UBASH3A: variants seen among roughly 807,000 people sequenced by gnomAD.
UBASH3A encodes ubiquitin-associated and SH3 domain-containing protein A.
Under a neutral mutation model 73.5 loss-of-function variants are expected in UBASH3A, and 63 were observed. That is an observed-to-expected ratio of 0.86 (90% CI 0.70 to 1.06). The LOEUF is 1.06. Ranked by LOEUF, UBASH3A falls within the 50% of genes least tolerant of loss-of-function variation. The pLI, the probability that UBASH3A is intolerant of heterozygous loss-of-function variation, is 0.00. For synonymous variants in UBASH3A, 363 were observed against 351.1 expected (o/e 1.03, Z -0.38); for missense variants, 860 against 859.0 (o/e 1.00, Z -0.02).
At chr21:42,446,865 C>T (rs1255681886) in intron 14 of UBASH3A, among the ~76,000 whole-genome samples, 192 bp from the exon 15 acceptor site, 1 of 152,162 alleles carries the variant, frequency 6.6e-6, no homozygotes, top group Non-Finnish European at 1.5e-5. Flanking sequence ...ACCCAGTGTC[C>T]CCTGGCTAGG....
In UBASH3A at chr21:42,413,658, A is replaced by C; in HGVS notation, c.667+135A>C. The C allele has an allele frequency of 1.5e-6, 1 of 684,264 alleles. No homozygotes were observed. Among genetic ancestry groups the C allele is most frequent in the Non-Finnish European group, 2.4e-6 (1 of 412,000 alleles). The allele number at this position is 684,264 out of a possible 1,614,324, so 42.4% of individuals were successfully genotyped here. Reference sequence around the variant, plus strand: ...GGAAAGTGCCCCAGAAGGGTGTGCCAAGCATCAAGCCTGAGTGGGTGACTG... The same window carrying C: ...GGAAAGTGCCCCAGAAGGGTGTGCCCAGCATCAAGCCTGAGTGGGTGACTG... On this transcript the variant is annotated intron_variant, in intron 5 of 14. Transcript: ENST00000319294. The surrounding 1 kb of genome is among the most constrained non-coding windows in gnomAD (Gnocchi z 4.5).
intron 7 of UBASH3A, among the ~76,000 whole-genome samples, chr21:42,425,006 A>G (rs1043209016): frequency 3.9e-5 from 6 of 152,192 alleles, no homozygotes; most frequent in African/African-American, 1.4e-4. Flanking sequence ...TCAGACTCGC[A>G]GCCTCCAGGA....
chr21:42,415,838 T>G (rs1264934053), intron 5 of UBASH3A, among the ~76,000 whole-genome samples: 1 of 152,194 alleles, frequency 6.6e-6, no homozygotes, highest in Non-Finnish European at 1.5e-5. Context: ...AAATACTTTG[T>G]GGCTCAACTG....
intron 12 of UBASH3A, 114 bp from the exon 13 acceptor site, chr21:42,443,198 C>G: frequency 7.0e-7 from 1 of 1,428,246 alleles, no homozygotes; most frequent in South Asian, 1.5e-5. Context: ...ATGAGCCTGC[C>G]TTGAGGCAGA....
At chr21:42,406,405 A>G in intron 2 of UBASH3A, 44 bp downstream of exon 2, 1 of 1,549,184 alleles carries the variant, frequency 6.5e-7, no homozygotes, top group Non-Finnish European at 8.9e-7. Flanking sequence ...TTTGGGCTGA[A>G]TTCCCTGTGC....
At chr21:42,444,725 G>T in intron 14 of UBASH3A, 82 bp downstream of exon 14, 3 of 1,170,714 alleles carry the variant, frequency 2.6e-6, no homozygotes, top group Non-Finnish European at 3.8e-6. Context: ...TTCTCGGAAT[G>T]AAAACAAGTG....
chr21:42,447,369 C>T lies in UBASH3A; in HGVS notation c.*175C>T, dbSNP rs1357148564. ...CCCTCCGGCTTTCGCCTTTGTAACT[C>T]CCATCTGTGGACCCATCGTCCACCA... is the stretch of plus-strand genomic sequence containing the variant. On this transcript the variant is annotated 3_prime_UTR_variant, in exon 15 of 15. Coordinates refer to ENST00000319294, the MANE Select transcript of UBASH3A (RefSeq NM_018961.4). 2.9e-6 allele frequency: 2 copies of T among 693,058 alleles called. No homozygotes were observed. Among genetic ancestry groups the T allele is most frequent in the Non-Finnish European group, 4.6e-6 (2 of 436,144 alleles). 42.9% of individuals were successfully genotyped at this position (693,058 alleles called of 1,614,324 possible).
intron 6 of UBASH3A, among the ~76,000 whole-genome samples, 191 bp downstream of exon 6, chr21:42,416,802 G>A (rs950264705): frequency 6.6e-6 from 1 of 152,144 alleles, no homozygotes; most frequent in Admixed American, 6.5e-5. Context: ...GCACGGCGGC[G>A]GGCACCTGTA....
At chr21:42,404,272 A>C (rs1200328169) in intron 1 of UBASH3A, 1 of 367,584 alleles carries the variant, frequency 2.7e-6, no homozygotes, top group Admixed American at 4.6e-5. Context: ...CATGAGGCCC[A>C]GGACAGCTTT....
chr21:42,439,785 C>T (rs1304384698), intron 11 of UBASH3A, among the ~76,000 whole-genome samples: 3 of 142,046 alleles, frequency 2.1e-5, no homozygotes, highest in Non-Finnish European at 4.7e-5. Flanking sequence ...ACACACCACA[C>T]ACCACACACA....
At position 42,443,354 on chromosome 21, in the gene UBASH3A, C is replaced by A. The variant is rs1310155613; in HGVS notation, c.1674C>A (p.Tyr558Ter). 1.2e-6 allele frequency: 2 copies of A among 1,613,344 alleles called. No individual in the cohort carries two copies. The highest frequency in any genetic ancestry group is 2.7e-5 in the African/African-American group (2 of 74,854). Residue 558 changes from tyrosine to a stop codon, truncating the protein, a stop_gained, in exon 13 of 15, where the codon TAC becomes TAA. Coordinates refer to ENST00000319294, the MANE Select transcript of UBASH3A (RefSeq NM_018961.4). LOFTEE classifies it high-confidence loss of function. ...CCGCCCTCATGCCGGCCGAGAGCTA[C>A]CAGGAGTACATGGACAGGTGCACGG... is the stretch of plus-strand genomic sequence containing the variant. ...PLSALMPAES[Y>*]QEYMDRCTAS...
intron 1 of UBASH3A, among the ~76,000 whole-genome samples, chr21:42,405,256 G>T (rs538858756): frequency 6.6e-6 from 1 of 152,274 alleles, no homozygotes; most frequent in East Asian, 1.9e-4. Context: ...ACCGGGCACC[G>T]TCCAGGCATT....
chr21:42,410,819 T>C (rs1163862670), intron 3 of UBASH3A, among the ~76,000 whole-genome samples: 1 of 149,406 alleles, frequency 6.7e-6, no homozygotes, highest in African/African-American at 2.5e-5. Context: ...GACACACACA[T>C]AGCTCACACA....
chr21:42,443,500 G>A (rs1396051795), intron 13 of UBASH3A, 82 bp downstream of exon 13: 1 of 1,244,112 alleles, frequency 8.0e-7, no homozygotes, highest in Non-Finnish European at 1.1e-6. Flanking sequence ...CCAATTTTCT[G>A]AACCTATGAA....
At position 42,441,605 on chromosome 21, in the gene UBASH3A, AGCCTGGTTGATGGGGGAGGACTCGGGG is replaced by A. The variant is rs2053746022; in HGVS notation, c.1487-824_1487-798del. On this transcript the variant is annotated intron_variant, in intron 11 of 14. Coordinates refer to ENST00000319294, the MANE Select transcript of UBASH3A (RefSeq NM_018961.4). ...CTGGTTGGATGGGGGAGGACTCGGGAGCCTGGTTGATGGGGGAGGACTCGGGGGCCTGGTTGATGGGGGAGGACTTGG... is the reference window on the plus strand; with the variant it reads ...CTGGTTGGATGGGGGAGGACTCGGGAGCCTGGTTGATGGGGGAGGACTTGG... 9.6e-4 allele frequency among the ~76,000 whole-genome samples: 7 copies of A among 7,278 alleles called. No homozygotes were observed. In the East Asian group the frequency reaches 9.7e-3, roughly 10 times the overall value. The allele number at this position is 7,278 out of a possible 152,430, so 4.8% of individuals were successfully genotyped here. A position where few individuals can be genotyped will look rare whatever the true frequency, so the allele number is the denominator to read the frequency against.
Position 42,444,627 on chromosome 21 carries a change from C to G in UBASH3A, c.1832C>G (p.Ala611Gly). Residue 611 changes from alanine (A) to glycine (G), a missense_variant, in exon 14 of 15, where the codon GCC becomes GGC. Physicochemically the swap from Ala to Gly is moderately conservative, Grantham distance 60 (BLOSUM62 0). Coordinates refer to ENST00000319294, the MANE Select transcript of UBASH3A (RefSeq NM_018961.4). ...CCGCCCCGGGAATGTGGGGATTTTGCCCAACTCGTGAGAAAGGTACGCGCC... is the reference window on the plus strand; with the variant it reads ...CCGCCCCGGGAATGTGGGGATTTTGGCCAACTCGTGAGAAAGGTACGCGCC... ...GLPPRECGDF[A>G]QLVRKIPSLG... is the part of the protein sequence containing the mutation. 1 of 1,614,008 alleles carries G rather than the reference C, an allele frequency of 6.2e-7. No homozygotes were observed. The highest frequency in any genetic ancestry group is 8.5e-7 in the Non-Finnish European group (1 of 1,179,844).
chr21:42,434,478 C>T (rs2053591879), intron 9 of UBASH3A, among the ~76,000 whole-genome samples: 1 of 152,208 alleles, frequency 6.6e-6, no homozygotes, highest in African/African-American at 2.4e-5. Flanking sequence ...ATGCCAACTT[C>T]AGATTCTTAC....
intron 9 of UBASH3A, among the ~76,000 whole-genome samples, chr21:42,432,647 A>T (rs1335842521): frequency 6.6e-6 from 1 of 152,248 alleles, no homozygotes; most frequent in Admixed American, 6.5e-5. Context: ...GCCATGACCC[A>T]TTACATAAAT....
At chr21:42,421,146 G>T (rs1339211795) in intron 7 of UBASH3A, among the ~76,000 whole-genome samples, 1 of 152,266 alleles carries the variant, frequency 6.6e-6, no homozygotes, top group Non-Finnish European at 1.5e-5. Flanking sequence ...AGTTAGGAGA[G>T]TGGAGAGAGC....
Sources: gnomAD v4.1 joint callset for allele counts (sites outside exome capture counted in the v4.1 genomes callset) on GRCh38, gnomAD v4.1.1 for gene constraint, Gnocchi (gnomAD v3.1) non-coding constraint, MANE v1.5 for transcripts, NCBI Gene and HGNC (gene_info 2026-07-23, HGNC 2026-07-21) for gene names.